MCUB: variants seen among roughly 807,000 people sequenced by gnomAD.
MCUB encodes the protein calcium uniporter regulatory subunit MCUb, mitochondrial.
In MCUB, 46 loss-of-function variants were observed where a neutral mutation model predicts 41.4. The ratio of observed to expected loss-of-function variants is 1.11; its 90% CI spans 0.88 to 1.42. MCUB has a LOEUF of 1.42. Ranked by LOEUF, MCUB falls within the 40% of genes most tolerant of loss-of-function variation. The probability of loss-of-function intolerance (pLI) is 0.00; values close to 1 mark genes in which losing one functional copy is unlikely to be tolerated. For missense variants in MCUB, 403 were observed against 404.9 expected (o/e 1.00, Z 0.04); for synonymous variants, 148 against 148.2 (o/e 1.00, Z 0.01).
rs755180399 is a variant in MCUB at position 109,687,526 on chromosome 4, C to T, written c.945C>T (p.Ser315=). 2 of 1,611,508 alleles carry T rather than the reference C, an allele frequency of 1.2e-6. No homozygotes were observed. The highest frequency in any genetic ancestry group is 1.7e-6 in the Non-Finnish European group (2 of 1,178,082). ...LKEDLAKAKE[S]LKQARHSLCL... ...TTTTCCCATGACAGGCTAAAGAATCCCTGAAACAGGCGCGTCATTCTCTCT... is the reference window on the plus strand; with the variant it reads ...TTTTCCCATGACAGGCTAAAGAATCTCTGAAACAGGCGCGTCATTCTCTCT... Residue 315 remains serine, a synonymous_variant, in exon 8 of 8, where the codon TCC becomes TCT. Transcript: ENST00000394650.
At chr4:109,602,343 A>C (rs1301678965) in intron 1 of MCUB, among the ~76,000 whole-genome samples, 2 of 152,202 alleles carry the variant, frequency 1.3e-5, no homozygotes, top group African/African-American at 4.8e-5. Flanking sequence ...TTGTAGTTTC[A>C]GGTCTTAAAT....
intron 1 of MCUB, among the ~76,000 whole-genome samples, chr4:109,634,711 T>A (rs1179234260): frequency 6.6e-6 from 1 of 152,230 alleles, no homozygotes; most frequent in East Asian, 1.9e-4. Context: ...CTGATGAAGA[T>A]GCCATTATTT....
At chr4:109,658,588 T>C (rs1729157292) in intron 1 of MCUB, among the ~76,000 whole-genome samples, 1 of 152,152 alleles carries the variant, frequency 6.6e-6, no homozygotes, top group Non-Finnish European at 1.5e-5. Context: ...TGAGCCACCA[T>C]GCCCGGCCCG....
At chr4:109,563,069 A>G (rs1304269759) in intron 1 of MCUB, among the ~76,000 whole-genome samples, 1 of 152,214 alleles carries the variant, frequency 6.6e-6, no homozygotes, top group Non-Finnish European at 1.5e-5. Context: ...TGTCAGGGCA[A>G]TCCATGGCTC....
intron 1 of MCUB, among the ~76,000 whole-genome samples, chr4:109,611,443 T>C (rs917132559): frequency 1.3e-5 from 2 of 152,208 alleles, no homozygotes; most frequent in Admixed American, 6.5e-5. Context: ...ATTCTCTAGC[T>C]TTATGGTGTA....
At chr4:109,578,423 T>C (rs1390763536) in intron 1 of MCUB, among the ~76,000 whole-genome samples, 3 of 152,148 alleles carry the variant, frequency 2.0e-5, no homozygotes, top group Non-Finnish European at 4.4e-5. Context: ...AAAGGTTAAG[T>C]AAATGTTTCA....
intron 4 of MCUB, among the ~76,000 whole-genome samples, chr4:109,665,317 A>G (rs1183466129): frequency 6.6e-6 from 1 of 152,180 alleles, no homozygotes; most frequent in Non-Finnish European, 1.5e-5. Flanking sequence ...CTTTATTTAG[A>G]TGTTTAATGA....
At chr4:109,666,995 T>C (rs1239974349) in intron 4 of MCUB, among the ~76,000 whole-genome samples, 1 of 152,194 alleles carries the variant, frequency 6.6e-6, no homozygotes, top group Non-Finnish European at 1.5e-5. Context: ...TTGCTATTAT[T>C]TTGCTGAGGA....
intron 1 of MCUB, among the ~76,000 whole-genome samples, chr4:109,604,268 G>A (rs1727819345): frequency 7.1e-6 from 1 of 141,454 alleles, no homozygotes; most frequent in Non-Finnish European, 1.5e-5. Flanking sequence ...AGGGACCTCT[G>A]CCTAGGAAAA....
chr4:109,661,096 T>C (rs1278545149), intron 3 of MCUB, among the ~76,000 whole-genome samples: 1 of 152,160 alleles, frequency 6.6e-6, no homozygotes, highest in African/African-American at 2.4e-5. Context: ...GTCTAGTATG[T>C]TTTTTGGCAG....
chr4:109,653,254 C>G (rs1729003059), intron 1 of MCUB, among the ~76,000 whole-genome samples: 1 of 151,950 alleles, frequency 6.6e-6, no homozygotes, highest in African/African-American at 2.4e-5. Flanking sequence ...TGGCATGCAC[C>G]CGTAATCCCA....
intron 1 of MCUB, among the ~76,000 whole-genome samples, chr4:109,564,536 G>T (rs1408507473): frequency 6.6e-6 from 1 of 152,094 alleles, no homozygotes; most frequent in East Asian, 1.9e-4. Flanking sequence ...ATCTTCAATA[G>T]ACCTTGTTTA....
At chr4:109,656,862 T>G (rs1009845955) in intron 1 of MCUB, among the ~76,000 whole-genome samples, 1 of 152,214 alleles carries the variant, frequency 6.6e-6, no homozygotes, top group African/African-American at 2.4e-5. Flanking sequence ...TATTGAGAGT[T>G]GCATCTATTT....
At chr4:109,580,493 A>C (rs1254777404) in intron 1 of MCUB, among the ~76,000 whole-genome samples, 1 of 152,148 alleles carries the variant, frequency 6.6e-6, no homozygotes, top group Admixed American at 6.6e-5. Flanking sequence ...TACACTCCCA[A>C]CAACAGTGTA....
At chr4:109,659,212 T>C (rs974521000) in intron 2 of MCUB, 126 bp downstream of exon 2, 3 of 629,736 alleles carry the variant, frequency 4.8e-6, no homozygotes, top group Admixed American at 2.7e-5. Flanking sequence ...CCCACCCTGA[T>C]TGGGTTCACT....
intron 2 of MCUB, among the ~76,000 whole-genome samples, chr4:109,659,725 C>T (rs1207786553): frequency 2.0e-5 from 3 of 152,182 alleles, no homozygotes; most frequent in Non-Finnish European, 4.4e-5. Context: ...GGCACGATCT[C>T]GGCTCACTGC....
chr4:109,560,411 C>G lies in MCUB; in HGVS notation c.74C>G (p.Pro25Arg), dbSNP rs1474387528. The G allele has an allele frequency of 7.6e-7, 1 of 1,308,460 alleles. No individual in the cohort carries two copies. Among genetic ancestry groups the G allele is most frequent in the Non-Finnish European group, 9.7e-7 (1 of 1,029,682 alleles). The allele number at this position is 1,308,460 out of a possible 1,614,324, so 81.1% of individuals were successfully genotyped here. ...CCTGGCACCTGGCGCCCAGCGCGCCCGTGGCCGCTGCCGCCTCCGCCCCAG... is the reference window on the plus strand; with the variant it reads ...CCTGGCACCTGGCGCCCAGCGCGCCGGTGGCCGCTGCCGCCTCCGCCCCAG... ...PTPGTWRPAR[P>R]WPLPPPPQVL... Residue 25 changes from proline (P) to arginine (R), a missense_variant, in exon 1 of 8, where the codon CCG becomes CGG. Transcript: ENST00000394650.
In MCUB at chr4:109,560,372, G is replaced by A; in HGVS notation, c.35G>A (p.Arg12Gln). 3.0e-6 allele frequency: 4 copies of A among 1,327,120 alleles called. No homozygotes were observed. The highest frequency in any genetic ancestry group is 3.9e-6 in the Non-Finnish European group (4 of 1,038,736). The allele number at this position is 1,327,120 out of a possible 1,614,324, so 82.2% of individuals were successfully genotyped here. A position where few individuals can be genotyped will look rare whatever the true frequency, so the allele number is the denominator to read the frequency against. The change falls in exon 1 of 8, where the codon CGG becomes CAG. Residue 12 changes from arginine (R) to glutamine (Q), a missense_variant. Physicochemically the swap from Arg to Gln is conservative, Grantham distance 43. Coordinates refer to ENST00000394650, the MANE Select transcript of MCUB (RefSeq NM_017918.5). ...AGGGGCCTCTGGCCGTGGCGCACGC[G>A]GCTGCTGCCGACCCCTGGCACCTGG... ...LQRGLWPWRT[R>Q]LLPTPGTWRP...
chr4:109,621,054 A>C (rs1454744031), intron 1 of MCUB, among the ~76,000 whole-genome samples: 2 of 152,012 alleles, frequency 1.3e-5, no homozygotes, highest in Non-Finnish European at 2.9e-5. Flanking sequence ...GCATGCCACC[A>C]CGCCCGGCTA....
Sources: gnomAD v4.1 joint callset for allele counts (sites outside exome capture counted in the v4.1 genomes callset) on GRCh38, gnomAD v4.1.1 for gene constraint, MANE v1.5 for transcripts, NCBI Gene and HGNC (gene_info 2026-07-23, HGNC 2026-07-21) for gene names.